The following XKR5 variants were observed in gnomAD, a reference collection of about 807,000 sequenced individuals.
XKR5 encodes the protein XK related 5.
Under a neutral mutation model 40.8 loss-of-function variants are expected in XKR5, and 46 were observed. The ratio of observed to expected loss-of-function variants is 1.13; its 90% CI spans 0.89 to 1.44. The LOEUF (loss-of-function observed/expected upper bound fraction) is 1.44. XKR5 is among the 40% of genes most tolerant of loss of function. The probability of loss-of-function intolerance (pLI) is 0.00; values close to 1 mark genes in which losing one functional copy is unlikely to be tolerated. For missense variants in XKR5, 1,169 were observed against 844.7 expected, an observed-to-expected ratio of 1.38 and a Z score of -4.76; for synonymous variants, 466 against 356.1, an observed-to-expected ratio of 1.31 and a Z score of -3.48.
At chr8:6,814,917 C>A (rs1052424407) in intron 6 of XKR5, among the ~76,000 whole-genome samples, 1 of 152,220 alleles carries the variant, frequency 6.6e-6, no homozygotes, top group Non-Finnish European at 1.5e-5. Context: ...CCACATCCAA[C>A]CCCCGGCTGC....
intron 1 of XKR5, among the ~76,000 whole-genome samples, chr8:6,833,646 G>T (rs993758847): frequency 1.3e-5 from 2 of 152,174 alleles, no homozygotes; most frequent in African/African-American, 4.8e-5. Context: ...AACTCAGGAG[G>T]CGGAGTTTGC....
At chr8:6,832,397 G>A (rs1460813507) in intron 2 of XKR5, among the ~76,000 whole-genome samples, 1 of 152,194 alleles carries the variant, frequency 6.6e-6, no homozygotes, top group East Asian at 1.9e-4. Flanking sequence ...ACTGCCTTAA[G>A]TAAGTTGCTT....
At chr8:6,814,607 G>T (rs1803877462) in intron 6 of XKR5, among the ~76,000 whole-genome samples, 3 of 152,144 alleles carry the variant, frequency 2.0e-5, no homozygotes, top group Admixed American at 2.0e-4. Flanking sequence ...TATTACCACT[G>T]GGGGAAAACC....
At position 6,811,962 on chromosome 8, in the gene XKR5, G is replaced by C. The variant is rs1563345578; in HGVS notation, c.1297C>G (p.Pro433Ala). The change falls in exon 7 of 7, where the codon CCA becomes GCA. Residue 433 changes from proline (P) to alanine (A), a missense_variant. By Grantham distance (27) the Pro-to-Ala change is conservative (BLOSUM62 -1). Transcript: ENST00000618742. ...TGTTGACTCAACCCCCATGCAGGTG[G>C]ACAATAGGCAGGACTGTTATCTCCA... ...AFGDNSPAYC[P>A]PAWGLSQQDY... 6.5e-7 allele frequency: 1 copy of C among 1,537,226 alleles called. No homozygotes were observed. Among genetic ancestry groups the C allele is most frequent in the African/African-American group, 1.4e-5 (1 of 73,050 alleles).
At chr8:6,820,177 C>A (rs564567639) in intron 5 of XKR5, among the ~76,000 whole-genome samples, 96 of 152,360 alleles carry the variant, frequency 6.3e-4, no homozygotes, top group Non-Finnish European at 7.1e-4. Flanking sequence ...CCATGTTCCC[C>A]ATCACATGCT....
rs138117117 is a variant in XKR5, at chr8:6,821,715, C to A, written c.807+154G>T. 8.1e-3 allele frequency among the ~76,000 whole-genome samples: 1,241 copies of A among 152,274 alleles called. 10 individuals are homozygous for A. Among genetic ancestry groups the A allele is most frequent in the South Asian group, 0.039 (187 of 4,814 alleles). On this transcript the variant is annotated intron_variant, in intron 5 of 6. Transcript: ENST00000618742. ...GCCTGTCATCTCTGTTCAAGACTAT[C>A]ATTTCTTTAAGAATTTTTCTTAAAC...
chr8:6,830,031 G>A (rs1411874097), intron 2 of XKR5, among the ~76,000 whole-genome samples: 1 of 151,584 alleles, frequency 6.6e-6, no homozygotes, highest in African/African-American at 2.4e-5. Context: ...TAGAGACGGG[G>A]TTTCACCGTG....
At position 6,810,149 on chromosome 8, in the gene XKR5, A is replaced by G. The variant is rs1803616398; in HGVS notation, c.*1049T>C. The stretch of plus-strand genomic sequence containing the variant: ...ATGAAATGAAACAAAACAAAACAAA[A>G]ATACCCATCCCTAAATAGCATCCAG... On this transcript the variant is annotated 3_prime_UTR_variant, in exon 7 of 7. Coordinates refer to ENST00000618742, the MANE Select transcript of XKR5 (RefSeq NM_207411.5). 6.6e-6 allele frequency: 1 copy of G among 151,946 alleles called. No homozygotes were observed. The allele number at this position is 151,946 out of a possible 1,614,324, so 9.4% of individuals were successfully genotyped here.
chr8:6,827,035 TC>T (rs762410771), intron 2 of XKR5, among the ~76,000 whole-genome samples: 1 of 152,098 alleles, frequency 6.6e-6, no homozygotes, highest in Non-Finnish European at 1.5e-5. Context: ...ACTGGAAACT[TC>T]ATCTCATAAG....
intron 2 of XKR5, among the ~76,000 whole-genome samples, chr8:6,826,894 C>T (rs375725697): frequency 4.6e-5 from 7 of 152,116 alleles, no homozygotes; most frequent in Admixed American, 2.0e-4. Context: ...CCCAGGGCCA[C>T]GGGGACACAT....
chr8:6,832,867 C>T lies in XKR5; in HGVS notation c.92G>A (p.Gly31Glu). ...GGCCAGCCACCCCCACAGAAGCCGT[C>T]CTGTGGTGAAGTAGTAAGCCACGGT... ...LYTVAYYFTTGRLLWGWLALA... is the reference protein window; with the variant it reads ...LYTVAYYFTTERLLWGWLALA... The change falls in exon 2 of 7, where the codon GGA becomes GAA. Residue 31 changes from glycine (G) to glutamate (E), a missense_variant. Gly to Glu is a moderately conservative substitution (Grantham distance 98). Coordinates refer to ENST00000618742, the MANE Select transcript of XKR5 (RefSeq NM_207411.5). 6.2e-7 allele frequency: 1 copy of T among 1,607,598 alleles called. No individual in the cohort carries two copies. Among genetic ancestry groups the T allele is most frequent in the Non-Finnish European group, 8.5e-7 (1 of 1,177,660 alleles).
intron 5 of XKR5, among the ~76,000 whole-genome samples, chr8:6,821,286 A>C (rs1804214264): frequency 6.6e-6 from 1 of 152,192 alleles, no homozygotes; most frequent in South Asian, 2.1e-4. Context: ...TCCTGACGAG[A>C]GGTGATGCTG....
Position 6,832,878 on chromosome 8 carries a change from G to A in XKR5, c.81C>T (p.Tyr27=), listed in dbSNP as rs1804835765. The stretch of plus-strand genomic sequence containing the variant: ...CCCACAGAAGCCGTCCTGTGGTGAA[G>A]TAGTAAGCCACGGTGTAAAGGCCTG... ...QSARLYTVAY[Y]FTTGRLLWGW... The change falls in exon 2 of 7, where the codon TAC becomes TAT. Residue 27 remains tyrosine (Y), a synonymous_variant. Transcript: ENST00000618742. 6 of 1,602,996 alleles carry A rather than the reference G, an allele frequency of 3.7e-6. No individual in the cohort carries two copies. The highest frequency in any genetic ancestry group is 5.1e-6 in the Non-Finnish European group (6 of 1,175,864).
chr8:6,832,921 C>A, intron 1 of XKR5, 21 bp from the exon 2 acceptor site: 1 of 1,534,486 alleles, frequency 6.5e-7, no homozygotes. Context: ...AGGGGAAAGG[C>A]AAGCAGGTTG....
intron 5 of XKR5, 75 bp downstream of exon 5, chr8:6,821,794 C>CACA: frequency 7.7e-7 from 1 of 1,306,640 alleles, no homozygotes; most frequent in Non-Finnish European, 1.1e-6. Flanking sequence ...ACACACACAC[C>CACA]CCCCACACAC....
chr8:6,820,829 C>G (rs1024437676), intron 5 of XKR5, among the ~76,000 whole-genome samples: 1 of 152,164 alleles, frequency 6.6e-6, no homozygotes, highest in Non-Finnish European at 1.5e-5. Flanking sequence ...GTGTCTAGGA[C>G]GCTTCCCTTT....
At chr8:6,825,398 T>A in intron 2 of XKR5, 49 bp from the exon 3 acceptor site, 1 of 1,461,990 alleles carries the variant, frequency 6.8e-7, no homozygotes, top group Non-Finnish European at 9.0e-7. Context: ...TGTGGCGAGA[T>A]TCAATAGGAC....
intron 5 of XKR5, among the ~76,000 whole-genome samples, chr8:6,820,396 C>T (rs180902744): frequency 1.1e-4 from 16 of 152,164 alleles, no homozygotes; most frequent in Non-Finnish European, 2.1e-4. Context: ...GCTTTCTTTC[C>T]TTCTCTAACA....
intron 6 of XKR5, among the ~76,000 whole-genome samples, chr8:6,815,139 A>C (rs1372300572): frequency 6.6e-6 from 1 of 152,202 alleles, no homozygotes; most frequent in Non-Finnish European, 1.5e-5. Flanking sequence ...CAGTGGTGGA[A>C]GCCTGCTGTG....
Sources: gnomAD v4.1 joint callset for allele counts (sites outside exome capture counted in the v4.1 genomes callset) on GRCh38, gnomAD v4.1.1 for gene constraint, MANE v1.5 for transcripts, NCBI Gene and HGNC (gene_info 2026-07-23, HGNC 2026-07-21) for gene names.